POC1B: variants seen among roughly 807,000 people sequenced by gnomAD.
POC1B encodes the protein POC1 centriolar protein homolog B.
POC1B carries 44 observed loss-of-function variants against 60.6 expected under a neutral mutation model. That is an observed-to-expected ratio of 0.73 (90% CI 0.57 to 0.93). POC1B has a LOEUF of 0.93. Among genes scored for constraint, POC1B ranks in the 40% least tolerant of loss-of-function variants. The probability of loss-of-function intolerance (pLI) is 0.00; values close to 1 mark genes in which losing one functional copy is unlikely to be tolerated. For missense variants in POC1B, 555 were observed against 572.3 expected, an observed-to-expected ratio of 0.97 and a Z score of 0.31; for synonymous variants, 180 against 198.9, an observed-to-expected ratio of 0.90 and a Z score of 0.80.
chr12:89,435,985 G>T (rs150216302), intron 10 of POC1B, among the ~76,000 whole-genome samples: 1 of 149,010 alleles, frequency 6.7e-6, no homozygotes, highest in African/African-American at 2.5e-5. Context: ...TCACTATGTC[G>T]CCAGGCTGGA....
intron 10 of POC1B, among the ~76,000 whole-genome samples, chr12:89,450,765 T>C (rs1373337862): frequency 6.6e-6 from 1 of 152,230 alleles, no homozygotes; most frequent in African/African-American, 2.4e-5. Context: ...ATGTTGATGT[T>C]GTTATTACAA....
chr12:89,472,420 A>G, intron 4 of POC1B, 145 bp from the exon 5 acceptor site: 1 of 593,504 alleles, frequency 1.7e-6, no homozygotes, highest in Admixed American at 3.4e-5. Context: ...CATATTCTGC[A>G]GCCAAGATCT....
At chr12:89,450,590 A>C (rs953764965) in intron 10 of POC1B, among the ~76,000 whole-genome samples, 2 of 152,198 alleles carry the variant, frequency 1.3e-5, no homozygotes, top group Non-Finnish European at 2.9e-5. Flanking sequence ...ACAAATACAC[A>C]ATCTTCAGAA....
chr12:89,445,465 C>T (rs10858859), intron 10 of POC1B, among the ~76,000 whole-genome samples: 29,342 of 152,018 alleles, frequency 0.19, 3,243 homozygotes, highest in South Asian at 0.36. Context: ...CATCTACCAC[C>T]ATCTGATCTT....
intron 10 of POC1B, among the ~76,000 whole-genome samples, chr12:89,432,516 T>C (rs35012399): frequency 0.2 from 31,055 of 151,862 alleles, 3,562 homozygotes; most frequent in Non-Finnish European, 0.25. Context: ...GGAATGGTTG[T>C]TCTGCCTACC....
chr12:89,467,253 G>A (rs986666355), intron 8 of POC1B, among the ~76,000 whole-genome samples: 2 of 151,750 alleles, frequency 1.3e-5, no homozygotes, highest in Admixed American at 1.3e-4. Context: ...AATGACTTTT[G>A]GTCATTTCAG....
Position 89,420,241 on chromosome 12 carries a change from T to C in POC1B, c.*912A>G, listed in dbSNP as rs1008390125. Reference sequence around the variant, plus strand: ...TTGTTTTAAATCACAATTCATTAAATAGGAAGATGATGATGCAAAAATTTT... The same window carrying C: ...TTGTTTTAAATCACAATTCATTAAACAGGAAGATGATGATGCAAAAATTTT... On this transcript the variant is annotated 3_prime_UTR_variant, in exon 12 of 12. Transcript: ENST00000313546. 1 of 152,214 alleles carries C rather than the reference T, an allele frequency of 6.6e-6. No homozygotes were observed. Among genetic ancestry groups the C allele is most frequent in the African/African-American group, 2.4e-5 (1 of 41,454 alleles). 9.4% of individuals were successfully genotyped at this position (152,214 alleles called of 1,614,324 possible). A position where few individuals can be genotyped will look rare whatever the true frequency, so the allele number is the denominator to read the frequency against.
chr12:89,525,414 A>G (rs1020926385), intron 1 of POC1B: 2 of 1,386,380 alleles, frequency 1.4e-6, no homozygotes, highest in African/African-American at 1.5e-5. Context: ...CTCCCCGCAG[A>G]GCCCGCAAAA....
At chr12:89,498,838 C>G (rs1869390385) in intron 2 of POC1B, among the ~76,000 whole-genome samples, 1 of 151,936 alleles carries the variant, frequency 6.6e-6, no homozygotes, top group African/African-American at 2.4e-5. Context: ...TAAACAAAAG[C>G]AAATAAGATA....
chr12:89,500,136 G>A (rs2135746111), intron 2 of POC1B: 1 of 1,540,244 alleles, frequency 6.5e-7, no homozygotes, highest in East Asian at 2.3e-5. Flanking sequence ...GGCTACAGAA[G>A]AAGATTTTGT....
At chr12:89,523,066 C>T (rs1252556744) in intron 2 of POC1B, 2 of 1,613,746 alleles carry the variant, frequency 1.2e-6, no homozygotes, top group East Asian at 2.2e-5. Flanking sequence ...AGAATTAAAC[C>T]TTATTTCTTT....
the POC1B span, among the ~76,000 whole-genome samples, chr12:89,403,931 G>A: frequency 2.0e-5 from 3 of 152,168 alleles, no homozygotes; most frequent in Admixed American, 6.5e-5. Flanking sequence ...TCTGCAGTTC[G>A]AGACCTGCCT....
rs1365231231 is a variant in POC1B at position 89,425,220 on chromosome 12, G to A, written c.1273C>T (p.Pro425Ser). ...DLPCESQRSI[P>S]LAVTDALEHI... ...TCTAAAGCATCAGTCACAGCGAGAG[G>A]TATGCTCCTTTGACTTTCACAGGGG... is the stretch of plus-strand genomic sequence containing the variant. Residue 425 changes from proline (P) to serine (S), a missense_variant, in exon 11 of 12, where the codon CCT becomes TCT. Coordinates refer to ENST00000313546, the MANE Select transcript of POC1B (RefSeq NM_172240.3). 1.2e-6 allele frequency: 2 copies of A among 1,614,130 alleles called. No individual in the cohort carries two copies. Among genetic ancestry groups the A allele is most frequent in the East Asian group, 2.2e-5 (1 of 44,878 alleles).
Position 89,421,132 on chromosome 12 carries a change from A to G in POC1B, c.*21T>C, listed in dbSNP as rs1880512970. ...TTCATTTATTGGGCCTCTGCCCAAC[A>G]AATGAAAATGAATTTTTTATTCAGC... On this transcript the variant is annotated 3_prime_UTR_variant, in exon 12 of 12. Transcript: ENST00000313546. 1 of 1,554,832 alleles carries G rather than the reference A, an allele frequency of 6.4e-7. No individual in the cohort carries two copies. Among genetic ancestry groups the G allele is most frequent in the Non-Finnish European group, 8.8e-7 (1 of 1,137,554 alleles).
At chr12:89,493,886 G>A (rs1259757775) in intron 3 of POC1B, among the ~76,000 whole-genome samples, 1 of 152,156 alleles carries the variant, frequency 6.6e-6, no homozygotes, top group Non-Finnish European at 1.5e-5. Context: ...TATTGTGCTG[G>A]TGCCTAACTG....
chr12:89,523,417 T>C (rs769388535), intron 2 of POC1B: 1 of 1,614,030 alleles, frequency 6.2e-7, no homozygotes. Flanking sequence ...CCGAGCAGTA[T>C]TCTGTAGGAA....
chr12:89,480,889 C>G (rs924203077), intron 4 of POC1B, among the ~76,000 whole-genome samples: 2 of 152,156 alleles, frequency 1.3e-5, no homozygotes, highest in Non-Finnish European at 1.5e-5. Context: ...CATGAGCCAC[C>G]ACGCCCAGCC....
chr12:89,486,774 C>T (rs1226092900), intron 4 of POC1B, among the ~76,000 whole-genome samples: 6 of 152,054 alleles, frequency 3.9e-5, no homozygotes, highest in East Asian at 3.8e-4. Flanking sequence ...ATGTCTTGAC[C>T]GGGTAAGAAG....
intron 2 of POC1B, chr12:89,500,448 A>C: frequency 6.4e-7 from 1 of 1,561,720 alleles, no homozygotes; most frequent in Non-Finnish European, 8.8e-7. Context: ...GTTCGTCAGA[A>C]AATTCTGGCA....
Sources: gnomAD v4.1 joint callset for allele counts (sites outside exome capture counted in the v4.1 genomes callset) on GRCh38, gnomAD v4.1.1 for gene constraint, MANE v1.5 for transcripts, NCBI Gene and HGNC (gene_info 2026-07-23, HGNC 2026-07-21) for gene names.